TRIM21: variants seen among roughly 807,000 people sequenced by gnomAD.
The protein encoded by TRIM21 is E3 ubiquitin-protein ligase TRIM21.
A neutral mutation model predicts 36.1 loss-of-function variants in TRIM21; 35 were observed. That is an observed-to-expected ratio of 0.97 (90% CI 0.74 to 1.28). The LOEUF (loss-of-function observed/expected upper bound fraction) is 1.28. TRIM21 is among the 50% of genes most tolerant of loss of function. The probability of loss-of-function intolerance (pLI) is 0.00; values close to 1 mark genes in which losing one functional copy is unlikely to be tolerated. For synonymous variants in TRIM21, 256 were observed against 211.5 expected (o/e 1.21, Z -1.83); for missense variants, 635 against 570.7 (o/e 1.11, Z -1.15).
At position 4,390,290 on chromosome 11, in the gene TRIM21, G is replaced by A. The variant is rs1162778222; in HGVS notation, c.120C>T (p.Ile40=). 6.2e-7 allele frequency: 1 copy of A among 1,613,966 alleles called. No individual in the cohort carries two copies. Among genetic ancestry groups the A allele is most frequent in the East Asian group, 2.2e-5 (1 of 44,872 alleles). The change falls in exon 2 of 7, where the codon ATC becomes ATT. Residue 40 remains isoleucine (I), a synonymous_variant. Coordinates refer to ENST00000254436, the MANE Select transcript of TRIM21 (RefSeq NM_003141.4). ...ECGHSFCQEC[I]SQVGKGGGSV... ...TGCCCCCACCTTTCCCAACCTGAGA[G>A]ATGCATTCCTGGCAGAAGCTGTGGC... is the stretch of plus-strand genomic sequence containing the variant.
At chr11:4,387,683 C>G (rs1030386015) in intron 4 of TRIM21, among the ~76,000 whole-genome samples, 4 of 151,986 alleles carry the variant, frequency 2.6e-5, no homozygotes, top group African/African-American at 4.8e-5. Flanking sequence ...TGGAGAAATC[C>G]CATCTCTACT....
At chr11:4,388,663 A>ACACGCACACGCG (rs1268071724) in intron 3 of TRIM21, 133 bp from the exon 4 acceptor site, 1 of 817,492 alleles carries the variant, frequency 1.2e-6, no homozygotes, top group Non-Finnish European at 2.0e-6. Context: ...ACACACATGC[A>ACACGCACACGCG]CACGCACACG....
chr11:4,385,980 G>A, intron 6 of TRIM21, 127 bp from the exon 7 acceptor site: 1 of 1,125,478 alleles, frequency 8.9e-7, no homozygotes, highest in South Asian at 1.6e-5. Flanking sequence ...GTGAGGAAAT[G>A]ACCATCAGCC....
chr11:4,385,623 GCA>G lies in TRIM21; in HGVS notation c.1088_1089del (p.Val363AlafsTer9), dbSNP rs1338189251. The G allele has an allele frequency of 6.2e-6, 10 of 1,612,308 alleles. No homozygotes were observed. Among genetic ancestry groups the G allele is most frequent in the Non-Finnish European group, 8.5e-6 (10 of 1,179,126 alleles). The stretch of plus-strand genomic sequence containing the variant: ...CTAAGCAAAAAGTGCCCCTTCCTGC[GCA>G]CAGAGTCTCTGCAGACACCCAGGTC... ...AWDLGVCRDS[V>X]RRKGHFLLSS... On this transcript the variant is annotated frameshift_variant, in exon 7 of 7. Transcript: ENST00000254436. LOFTEE classifies it low-confidence loss of function (END_TRUNC).
chr11:4,389,878 C>T, intron 2 of TRIM21, 124 bp downstream of exon 2: 1 of 1,499,840 alleles, frequency 6.7e-7, no homozygotes. Context: ...TATAATTCTC[C>T]TCCTACATTA....
At chr11:4,390,899 T>C (rs985830625) in intron 1 of TRIM21, among the ~76,000 whole-genome samples, 22 of 152,258 alleles carry the variant, frequency 1.4e-4, no homozygotes, top group Non-Finnish European at 1.9e-4. Flanking sequence ...TACACTCCTA[T>C]GTCTCACCGT....
At position 4,386,554 on chromosome 11, in the gene TRIM21, A is replaced by G. The variant is rs73431089; in HGVS notation, c.759-297T>C. Among the ~76,000 whole-genome samples the G allele has an allele frequency of 9.3e-3, 1,412 of 152,332 alleles. 15 individuals are homozygous for G. Among genetic ancestry groups the G allele is most frequent in the African/African-American group, 0.033 (1,353 of 41,576 alleles). The stretch of plus-strand genomic sequence containing the variant: ...ATTTTATAGGCAAGCAATCTGAGAC[A>G]GGCTGAATCACTTCTGCAAGGAACC... On this transcript the variant is annotated intron_variant, in intron 5 of 6. Coordinates refer to ENST00000254436, the MANE Select transcript of TRIM21 (RefSeq NM_003141.4).
chr11:4,385,228 G>T lies in TRIM21; in HGVS notation c.*57C>A. 1 of 1,503,088 alleles carries T rather than the reference G, an allele frequency of 6.7e-7. No homozygotes were observed. The highest frequency in any genetic ancestry group is 9.0e-7 in the Non-Finnish European group (1 of 1,112,444). 93.1% of individuals were successfully genotyped at this position (1,503,088 alleles called of 1,614,324 possible). On this transcript the variant is annotated 3_prime_UTR_variant, in exon 7 of 7. Coordinates refer to ENST00000254436, the MANE Select transcript of TRIM21 (RefSeq NM_003141.4). ...CAGAGTTCATGGGGAAAAGAGGCAGGGTTTGTGGCTGAGAAGCGGTGCCAA... is the reference window on the plus strand; with the variant it reads ...CAGAGTTCATGGGGAAAAGAGGCAGTGTTTGTGGCTGAGAAGCGGTGCCAA...
At chr11:4,387,131 T>A in intron 4 of TRIM21, 141 bp from the exon 5 acceptor site, 9 of 808,438 alleles carry the variant, frequency 1.1e-5, no homozygotes, top group Non-Finnish European at 1.4e-5. Flanking sequence ...CAGAGATGAT[T>A]CTGACCAGCT....
Position 4,385,242 on chromosome 11 carries a change from A to C in TRIM21, c.*43T>G, listed in dbSNP as rs756905410. 6.5e-7 allele frequency: 1 copy of C among 1,547,674 alleles called. No individual in the cohort carries two copies. The highest frequency in any genetic ancestry group is 8.8e-7 in the Non-Finnish European group (1 of 1,141,646). On this transcript the variant is annotated 3_prime_UTR_variant, in exon 7 of 7. Transcript: ENST00000254436. The stretch of plus-strand genomic sequence containing the variant: ...AAAAGAGGCAGGGTTTGTGGCTGAG[A>C]AGCGGTGCCAATGGGGAGAGTGGCA...
At chr11:4,393,461 G>A (rs1250865967) in intron 1 of TRIM21, among the ~76,000 whole-genome samples, 172 bp downstream of exon 1, 1 of 152,186 alleles carries the variant, frequency 6.6e-6, no homozygotes, top group Non-Finnish European at 1.5e-5. Context: ...TCCCAAGCAG[G>A]GGGCCAGCAC....
At position 4,393,615 on chromosome 11, in the gene TRIM21, C is replaced by T. The variant is rs2094965916; in HGVS notation, c.-50+18G>A. ...CCTAGGAGGGCAGGGGTCCCTTGAT[C>T]TAGTGGGGTTCACTCACCTTTACAG... On this transcript the variant is annotated intron_variant, in intron 1 of 6. Coordinates refer to ENST00000254436, the MANE Select transcript of TRIM21 (RefSeq NM_003141.4). 6.6e-6 allele frequency: 1 copy of T among 152,352 alleles called. No individual in the cohort carries two copies. Among genetic ancestry groups the T allele is most frequent in the African/African-American group, 2.4e-5 (1 of 41,442 alleles). 9.4% of individuals were successfully genotyped at this position (152,352 alleles called of 1,614,324 possible).
chr11:4,393,168 G>T (rs2094965098), intron 1 of TRIM21, among the ~76,000 whole-genome samples: 1 of 152,166 alleles, frequency 6.6e-6, no homozygotes, highest in Non-Finnish European at 1.5e-5. Context: ...TAAACAGCCT[G>T]CCCCTCTCAC....
At chr11:4,391,298 C>A (rs2094962825) in intron 1 of TRIM21, among the ~76,000 whole-genome samples, 1 of 152,140 alleles carries the variant, frequency 6.6e-6, no homozygotes, top group South Asian at 2.1e-4. Context: ...AGAAGTCATA[C>A]AAATGACAAA....
rs1463756673 is a variant in TRIM21 at position 4,390,020 on chromosome 11, C to T, written c.390G>A (p.Glu130=). Residue 130 remains glutamate (E), a synonymous_variant, in exon 2 of 7, where the codon GAG becomes GAA. Transcript: ENST00000254436. ...HRDHAMVPLE[E]AAQEYQEKLQ... ...GCCTCACCTGGTACTCCTGTGCAGC[C>T]TCCTCAAGAGGGACCATGGCGTGGT... The T allele has an allele frequency of 1.2e-6, 2 of 1,613,916 alleles. No homozygotes were observed. Among genetic ancestry groups the T allele is most frequent in the Non-Finnish European group, 1.7e-6 (2 of 1,179,858 alleles).
intron 1 of TRIM21, among the ~76,000 whole-genome samples, chr11:4,392,454 C>T (rs1479132799): frequency 6.6e-6 from 1 of 151,778 alleles, no homozygotes. Flanking sequence ...GTAATCCCAG[C>T]TACTTGGGAG....
intron 2 of TRIM21, 101 bp downstream of exon 2, chr11:4,389,901 G>A: frequency 6.6e-7 from 1 of 1,525,898 alleles, no homozygotes; most frequent in Non-Finnish European, 9.0e-7. Context: ...CATGGAGAGA[G>A]GTAAACCCCT....
rs374313914 is a variant in TRIM21 at position 4,392,373 on chromosome 11, C to T, written c.-50+1260G>A. On this transcript the variant is annotated intron_variant, in intron 1 of 6. Transcript: ENST00000254436. ...CCTTAGGTCAGGAGTTCAAGACCAGCCTGACCAATATGGTAAAACCCTGTC... is the reference window on the plus strand; with the variant it reads ...CCTTAGGTCAGGAGTTCAAGACCAGTCTGACCAATATGGTAAAACCCTGTC... Among the ~76,000 whole-genome samples, 7 of 152,198 alleles carry T rather than the reference C, an allele frequency of 4.6e-5. No individual in the cohort carries two copies. The East Asian group carries it at 1.2e-3, about 25-fold the overall frequency.
In TRIM21 at chr11:4,391,416, C is replaced by T. The variant is rs1232740135; in HGVS notation, c.-49-958G>A. Among the ~76,000 whole-genome samples, 3 of 152,176 alleles carry T rather than the reference C, an allele frequency of 2.0e-5. No individual in the cohort carries two copies. The East Asian group carries it at 5.8e-4, about 29-fold the overall frequency. Reference sequence around the variant, plus strand: ...GTTAAAATGTCTTTTCTCCAAAAGACAGGCTATAACAAATGCTGGTGAGGG... The same window carrying T: ...GTTAAAATGTCTTTTCTCCAAAAGATAGGCTATAACAAATGCTGGTGAGGG... On this transcript the variant is annotated intron_variant, in intron 1 of 6. Transcript: ENST00000254436.
Sources: gnomAD v4.1 joint callset for allele counts (sites outside exome capture counted in the v4.1 genomes callset) on GRCh38, gnomAD v4.1.1 for gene constraint, MANE v1.5 for transcripts, NCBI Gene and HGNC (gene_info 2026-07-23, HGNC 2026-07-21) for gene names.